The following ANGPT4 variants were observed in gnomAD, a reference collection of about 807,000 sequenced individuals.
The protein encoded by ANGPT4 is angiopoietin 4.
A neutral mutation model predicts 53.0 loss-of-function variants in ANGPT4; 50 were observed. The observed-to-expected ratio is 0.94, with a 90% CI of 0.75 to 1.20. The LOEUF is 1.20. Among genes scored for constraint, ANGPT4 ranks in the 50% most tolerant of loss-of-function variants. The pLI is 0.00. For synonymous variants in ANGPT4, 251 were observed against 259.7 expected (o/e 0.97, Z 0.32); for missense variants, 648 against 637.1 (o/e 1.02, Z -0.18).
chr20:904,289 C>A (rs1373520404), intron 1 of ANGPT4, among the ~76,000 whole-genome samples: 5 of 152,208 alleles, frequency 3.3e-5, no homozygotes, highest in Non-Finnish European at 7.3e-5. Flanking sequence ...AACTGTGTTT[C>A]CATCCCACCA....
intron 1 of ANGPT4, among the ~76,000 whole-genome samples, chr20:901,994 A>C (rs895818409): frequency 6.6e-6 from 1 of 152,230 alleles, no homozygotes; most frequent in Non-Finnish European, 1.5e-5. Context: ...CATGCTTATG[A>C]GTAAAAAAAG....
intron 1 of ANGPT4, among the ~76,000 whole-genome samples, chr20:912,130 T>G (rs141658636): frequency 1.6e-4 from 25 of 152,146 alleles, no homozygotes; most frequent in African/African-American, 6.0e-4. Flanking sequence ...TCCTCATCTG[T>G]ATAATGGATC....
intron 1 of ANGPT4, among the ~76,000 whole-genome samples, chr20:904,371 T>C (rs143930552): frequency 1.3e-5 from 2 of 152,378 alleles, no homozygotes; most frequent in East Asian, 3.9e-4. Flanking sequence ...ACATTGTTCA[T>C]AGCATGTTCC....
chr20:884,974 C>G lies in ANGPT4; in HGVS notation c.835+104G>C. 8 of 1,504,210 alleles carry G rather than the reference C, an allele frequency of 5.3e-6. No individual in the cohort carries two copies. In the South Asian group the frequency reaches 1.0e-4, roughly 19 times the overall value. The allele number at this position is 1,504,210 out of a possible 1,614,324, so 93.2% of individuals were successfully genotyped here. On this transcript the variant is annotated intron_variant, in intron 4 of 8. Transcript: ENST00000381922. ...ACAGATGGTCGGGGAGGGTGGGGCC[C>G]GCAATGGCTCCCAGGCGCCCAGAGA...
chr20:890,540 T>C (rs1168121963), intron 1 of ANGPT4, among the ~76,000 whole-genome samples, 172 bp from the exon 2 acceptor site: 1 of 152,098 alleles, frequency 6.6e-6, no homozygotes, highest in Non-Finnish European at 1.5e-5. Context: ...CCCAGTAGAT[T>C]TTTCCCTGGG....
At position 879,729 on chromosome 20, in the gene ANGPT4, C is replaced by A. The variant is rs766803620; in HGVS notation, c.1053+18G>T. The A allele has an allele frequency of 3.3e-5, 53 of 1,607,322 alleles. No individual in the cohort carries two copies. Among genetic ancestry groups the A allele is most frequent in the Non-Finnish European group, 8.5e-7 (1 of 1,175,068 alleles). ...GGTTTCAGAGCAGAATGGCCCCTCC[C>A]CAAGGCAGCAGGGCTACCTGTTTGT... On this transcript the variant is annotated intron_variant, in intron 6 of 8. Transcript: ENST00000381922.
chr20:916,015 G>A lies in ANGPT4; in HGVS notation c.200C>T (p.Thr67Ile), dbSNP rs140900541. The A allele has an allele frequency of 4.6e-4, 739 of 1,614,192 alleles. 2 individuals carry two copies. Among genetic ancestry groups the A allele is most frequent in the Middle Eastern group, 3.1e-3 (19 of 6,060 alleles). ...PGPEVSRDSNTLQRESLANPL... is the reference protein window; with the variant it reads ...PGPEVSRDSNILQRESLANPL... ...GTTGGCCAGTGATTCTCTCTGGAGG[G>A]TGTTGGAGTCCCTGGAGACCTCAGG... The change falls in exon 1 of 9, where the codon ACC becomes ATC. Residue 67 changes from threonine to isoleucine, a missense_variant. Physicochemically the swap from Thr to Ile is moderately conservative, Grantham distance 89 (BLOSUM62 -1). Transcript: ENST00000381922.
intron 1 of ANGPT4, among the ~76,000 whole-genome samples, chr20:898,461 C>T (rs1427785824): frequency 3.9e-5 from 6 of 152,204 alleles, no homozygotes; most frequent in African/African-American, 7.2e-5. Context: ...AACCCAGCCC[C>T]GTTCATGGCC....
At chr20:891,092 T>G (rs374170334) in intron 1 of ANGPT4, among the ~76,000 whole-genome samples, 1 of 152,230 alleles carries the variant, frequency 6.6e-6, no homozygotes, top group Non-Finnish European at 1.5e-5. Flanking sequence ...CAATGCATGG[T>G]GCACAGTGAG....
At chr20:903,576 C>T (rs998929150) in intron 1 of ANGPT4, among the ~76,000 whole-genome samples, 1 of 152,198 alleles carries the variant, frequency 6.6e-6, no homozygotes, top group Non-Finnish European at 1.5e-5. Flanking sequence ...CCTTGGGTCC[C>T]GTGTGGCTTA....
At chr20:886,664 C>T (rs1434758440) in intron 3 of ANGPT4, among the ~76,000 whole-genome samples, 4 of 152,138 alleles carry the variant, frequency 2.6e-5, no homozygotes, top group Non-Finnish European at 5.9e-5. Flanking sequence ...TGATTGGGCA[C>T]GATCATCTAG....
Position 871,966 on chromosome 20 carries a change from G to A in ANGPT4, c.*994C>T, listed in dbSNP as rs12480495. On this transcript the variant is annotated 3_prime_UTR_variant, in exon 9 of 9. Transcript: ENST00000381922. Reference sequence around the variant, plus strand: ...TGAGTATAGCTGGGGTGGGGATGGGGTCGTAGGGCTCCTCCTTATGCCAGG... The same window carrying A: ...TGAGTATAGCTGGGGTGGGGATGGGATCGTAGGGCTCCTCCTTATGCCAGG... The A allele has an allele frequency of 0.48, 72,306 of 151,634 alleles. 20,196 individuals are homozygous for A. Among genetic ancestry groups the A allele is most frequent in the Non-Finnish European group, 0.62 (41,841 of 67,740 alleles). 9.4% of individuals were successfully genotyped at this position (151,634 alleles called of 1,614,324 possible). A position where few individuals can be genotyped will look rare whatever the true frequency, so the allele number is the denominator to read the frequency against.
chr20:873,204 A>G, intron 8 of ANGPT4, 84 bp from the exon 9 acceptor site: 1 of 1,411,104 alleles, frequency 7.1e-7, no homozygotes, highest in South Asian at 1.2e-5. Context: ...CCCAAAGAGA[A>G]CAAAGACTAA....
intron 1 of ANGPT4, among the ~76,000 whole-genome samples, chr20:905,289 G>T (rs1005037481): frequency 5.3e-5 from 8 of 152,224 alleles, no homozygotes; most frequent in Non-Finnish European, 8.8e-5. Context: ...GAGTGCAGAG[G>T]TTTGTCTGCC....
At chr20:893,692 G>A (rs1417621685) in intron 1 of ANGPT4, among the ~76,000 whole-genome samples, 1 of 152,082 alleles carries the variant, frequency 6.6e-6, no homozygotes, top group East Asian at 1.9e-4. Context: ...TCATTCCTCA[G>A]CTCCCATCGC....
At chr20:899,259 T>C (rs1436912341) in intron 1 of ANGPT4, among the ~76,000 whole-genome samples, 1 of 151,972 alleles carries the variant, frequency 6.6e-6, no homozygotes, top group Non-Finnish European at 1.5e-5. Context: ...AAATTTTTTT[T>C]TTTTTTGAGA....
chr20:899,212 T>G (rs936526637), intron 1 of ANGPT4, among the ~76,000 whole-genome samples: 121 of 151,870 alleles, frequency 8.0e-4, no homozygotes, highest in African/African-American at 2.8e-3. Context: ...GCTGCTAGAC[T>G]CCTTAAAACT....
rs79857853 is a variant in ANGPT4, at chr20:872,141, C to T, written c.*819G>A. ...AAGGCACTTGGCCATATTAAAGGCT[C>T]TGATCAGTCCTGCAGTGAAGAGTGC... On this transcript the variant is annotated 3_prime_UTR_variant, in exon 9 of 9. Transcript: ENST00000381922. The T allele has an allele frequency of 1.3e-5, 2 of 152,340 alleles. No homozygotes were observed. Among genetic ancestry groups the T allele is most frequent in the African/African-American group, 4.8e-5 (2 of 41,582 alleles). The allele number at this position is 152,340 out of a possible 1,614,324, so 9.4% of individuals were successfully genotyped here. A position where few individuals can be genotyped will look rare whatever the true frequency, so the allele number is the denominator to read the frequency against.
In ANGPT4 at chr20:911,457, C is replaced by G. The variant is rs750859544; in HGVS notation, c.309+4449G>C. On this transcript the variant is annotated intron_variant, in intron 1 of 8. Coordinates refer to ENST00000381922, the MANE Select transcript of ANGPT4 (RefSeq NM_015985.4). The surrounding 1 kb of genome is among the most constrained non-coding windows in gnomAD (Gnocchi z 4.9). ...GCCCTGGGTCTTCAGTGTGGACACT[C>G]GGGGAGGTAGAGGTGGGAGGGATGG... 2.6e-5 allele frequency among the ~76,000 whole-genome samples: 4 copies of G among 151,970 alleles called. No individual in the cohort carries two copies. Among genetic ancestry groups the G allele is most frequent in the Admixed American group, 6.6e-5 (1 of 15,256 alleles).
Sources: gnomAD v4.1 joint callset for allele counts (sites outside exome capture counted in the v4.1 genomes callset) on GRCh38, gnomAD v4.1.1 for gene constraint, Gnocchi (gnomAD v3.1) non-coding constraint, MANE v1.5 for transcripts, NCBI Gene and HGNC (gene_info 2026-07-23, HGNC 2026-07-21) for gene names.